The following CCAR2 variants were observed in gnomAD, a reference collection of about 807,000 sequenced individuals.
CCAR2 encodes the protein cell cycle and apoptosis regulator 2.
Under a neutral mutation model 108.1 loss-of-function variants are expected in CCAR2, and 21 were observed. The observed-to-expected ratio is 0.19, with a 90% CI of 0.14 to 0.28. CCAR2 has a LOEUF of 0.28. Among genes scored for constraint, CCAR2 ranks in the 10% least tolerant of loss-of-function variants. CCAR2 has a pLI of 1.00. For synonymous variants in CCAR2, 577 were observed against 472.8 expected, an observed-to-expected ratio of 1.22 and a Z score of -2.86; for missense variants, 1,126 against 1,177.0, an observed-to-expected ratio of 0.96 and a Z score of 0.63.
Position 22,613,552 on chromosome 8 carries a change from A to G in CCAR2, c.704+416A>G, listed in dbSNP as rs139337160. Reference sequence around the variant, plus strand: ...CTCAAAGGCTTTGCTTTAAGCTTCCATAGCTATTGCCAGTTCTCCTGAAGA... The same window carrying G: ...CTCAAAGGCTTTGCTTTAAGCTTCCGTAGCTATTGCCAGTTCTCCTGAAGA... On this transcript the variant is annotated intron_variant, in intron 8 of 20. Transcript: ENST00000308511. 4.2e-4 allele frequency among the ~76,000 whole-genome samples: 64 copies of G among 152,288 alleles called. 1 individual carries two copies. The highest frequency in any genetic ancestry group is 6.0e-4 in the Non-Finnish European group (41 of 68,018).
chr8:22,608,859 T>C (rs1286489727), intron 7 of CCAR2, among the ~76,000 whole-genome samples: 1 of 152,192 alleles, frequency 6.6e-6, no homozygotes, highest in Non-Finnish European at 1.5e-5. Context: ...AGGAACCTTA[T>C]TATACCCATT....
At chr8:22,608,923 A>G (rs1004221610) in intron 7 of CCAR2, among the ~76,000 whole-genome samples, 2 of 152,128 alleles carry the variant, frequency 1.3e-5, no homozygotes, top group African/African-American at 2.4e-5. Flanking sequence ...ACCTCCATCT[A>G]TTCACTGCTC....
rs201912021 is a variant in CCAR2, at chr8:22,618,685, C to G, written c.2289C>G (p.Arg763=). 11 of 1,614,074 alleles carry G rather than the reference C, an allele frequency of 6.8e-6. No homozygotes were observed. The highest frequency in any genetic ancestry group is 1.7e-5 in the Admixed American group (1 of 60,032). The change falls in exon 18 of 21, where the codon CGC becomes CGG. Residue 763 remains arginine (R), a synonymous_variant. Transcript: ENST00000308511. The stretch of plus-strand genomic sequence containing the variant: ...AGTACCGGAGCCTTCAGTACAGCCG[C>G]CAGGAGGGCCTGGATGGTGGCCTTC... ...ICQYRSLQYS[R]QEGLDGGLPE...
intron 4 of CCAR2, 38 bp from the exon 5 acceptor site, chr8:22,606,872 C>A: frequency 6.2e-7 from 1 of 1,603,158 alleles, no homozygotes; most frequent in South Asian, 1.1e-5. Flanking sequence ...GGCCAGGGTC[C>A]CTCTTCTGAT....
chr8:22,614,675 A>G (rs55677256), intron 10 of CCAR2, 163 bp from the exon 11 acceptor site: 64,477 of 1,065,028 alleles, frequency 0.061, 2,337 homozygotes, highest in Admixed American at 0.085. Flanking sequence ...GACTAGTCAG[A>G]GAGAGCGAGG....
chr8:22,618,131 G>T, intron 16 of CCAR2: 1 of 622,314 alleles, frequency 1.6e-6, no homozygotes, highest in Non-Finnish European at 2.8e-6. Flanking sequence ...CCAGGCTGGA[G>T]CACAGTGGTT....
intron 3 of CCAR2, among the ~76,000 whole-genome samples, 194 bp from the exon 4 acceptor site, chr8:22,606,413 G>C (rs563834088): frequency 3.3e-5 from 5 of 152,244 alleles, no homozygotes; most frequent in African/African-American, 9.6e-5. Context: ...AGAAGCTTGT[G>C]GGTCAAGAAC....
chr8:22,613,441 T>G (rs1801373838), intron 8 of CCAR2, among the ~76,000 whole-genome samples: 1 of 150,864 alleles, frequency 6.6e-6, no homozygotes, highest in Admixed American at 6.6e-5. Flanking sequence ...CCATTTGCAC[T>G]CTATCCTAAA....
Position 22,614,905 on chromosome 8 carries a change from G to GC in CCAR2, c.1111dup (p.Leu371ProfsTer6). The GC allele has an allele frequency of 6.2e-7, 1 of 1,613,930 alleles. No homozygotes were observed. Among genetic ancestry groups the GC allele is most frequent in the Non-Finnish European group, 8.5e-7 (1 of 1,180,014 alleles). On this transcript the variant is annotated frameshift_variant, in exon 11 of 21. Coordinates refer to ENST00000308511, the MANE Select transcript of CCAR2 (RefSeq NM_001393997.1). LOFTEE classifies it high-confidence loss of function. ...GGTGAATGGTCTCCTTCCCTGGATG[G>GC]CCTCGACCCCCAGGCTGACCCGCAG...
In CCAR2 at chr8:22,618,872, G is replaced by C. The variant is rs200099711; in HGVS notation, c.2378G>C (p.Gly793Ala). Residue 793 changes from glycine to alanine, a missense_variant, in exon 19 of 21, where the codon GGT (glycine) becomes GCT (alanine). Physicochemically the swap from Gly to Ala is moderately conservative, Grantham distance 60. Transcript: ENST00000308511. ...LPPPGKSTKP[G>A]AAPTEHKALV... ...CCTCCTGGGAAAAGCACGAAGCCAG[G>C]TGCTGCCCCCACAGAACACAAAGCC... The C allele has an allele frequency of 1.9e-6, 3 of 1,613,908 alleles. No individual in the cohort carries two copies. Among genetic ancestry groups the C allele is most frequent in the East Asian group, 2.2e-5 (1 of 44,898 alleles).
chr8:22,616,898 G>GTTTTTTTTTTTT (rs1563924191), intron 14 of CCAR2, among the ~76,000 whole-genome samples: 5 of 12,166 alleles, frequency 4.1e-4, no homozygotes, highest in African/African-American at 2.7e-3. Context: ...TTTTTTTTTG[G>GTTTTTTTTTTTT]GGAGATGGAG....
intron 14 of CCAR2, chr8:22,616,560 G>T (rs1240913421): frequency 2.1e-5 from 8 of 386,092 alleles, no homozygotes; most frequent in South Asian, 1.9e-4. Context: ...GCTCACCCCT[G>T]TAATCCCAGC....
At chr8:22,619,093 C>A in intron 19 of CCAR2, 57 bp from the exon 20 acceptor site, 1 of 1,599,178 alleles carries the variant, frequency 6.3e-7, no homozygotes, top group South Asian at 1.1e-5. Context: ...TCAGGCCCTG[C>A]CCTGTGCTCT....
At chr8:22,606,489 C>G (rs369139455) in intron 3 of CCAR2, 118 bp from the exon 4 acceptor site, 3 of 793,992 alleles carry the variant, frequency 3.8e-6, no homozygotes, top group African/African-American at 3.4e-5. Flanking sequence ...TCACTCTGTG[C>G]GAACTCTTGA....
chr8:22,613,025 A>C lies in CCAR2; in HGVS notation c.593A>C (p.Tyr198Ser). The C allele has an allele frequency of 1.9e-6, 3 of 1,613,036 alleles. No individual in the cohort carries two copies. The highest frequency in any genetic ancestry group is 1.1e-5 in the South Asian group (1 of 90,924). Residue 198 changes from tyrosine to serine, a missense_variant, in exon 8 of 21, where the codon TAT (tyrosine) becomes TCT (serine). By Grantham distance (144) the Tyr-to-Ser change is moderately radical. Around this residue, in one of 4 missense-constraint regions of CCAR2, gnomAD observed 1,013 missense variants for 993.9 expected, o/e 1.02. Coordinates refer to ENST00000308511, the MANE Select transcript of CCAR2 (RefSeq NM_001393997.1). The part of the protein sequence containing the change: ...GRLDQGRSDD[Y>S]DSKKRKQRAG... ...GATGGGTCAACCTCTAGTGATGACT[A>C]TGACTCCAAGAAACGCAAACAGCGG... is the stretch of plus-strand genomic sequence containing the variant.
Position 22,605,717 on chromosome 8 carries a change from C to A in CCAR2, c.-38-19C>A, listed in dbSNP as rs1037594609. ...AATTTCCCTTATAAGCTGTTAATTT[C>A]TTTCTTTTTGGATTGAAGCCTTTTC... On this transcript the variant is annotated intron_variant, in intron 1 of 20. Coordinates refer to ENST00000308511, the MANE Select transcript of CCAR2 (RefSeq NM_001393997.1). 2 of 1,463,424 alleles carry A rather than the reference C, an allele frequency of 1.4e-6. No individual in the cohort carries two copies. The highest frequency in any genetic ancestry group is 1.9e-6 in the Non-Finnish European group (2 of 1,049,904). 90.7% of individuals were successfully genotyped at this position (1,463,424 alleles called of 1,614,324 possible).
rs756528966 is a variant in CCAR2 at position 22,614,777 on chromosome 8, C to T, written c.1042-61C>T. 1.9e-6 allele frequency: 3 copies of T among 1,605,688 alleles called. No homozygotes were observed. The East Asian group carries it at 6.7e-5, about 36-fold the overall frequency. ...CATCCTGATGGGTGGCAGCCTTGCC[C>T]TGCAGTGGGAGACCCAGGTAATGTA... is the stretch of plus-strand genomic sequence containing the variant. On this transcript the variant is annotated intron_variant, in intron 10 of 20. Transcript: ENST00000308511.
rs1167201647 is a variant in CCAR2, at chr8:22,616,220, G to C, written c.1817G>C (p.Gly606Ala). Residue 606 changes from glycine (G) to alanine (A), a missense_variant, in exon 14 of 21, where the codon GGC (glycine) becomes GCC (alanine). Physicochemically the swap from Gly to Ala is moderately conservative, Grantham distance 60. Around this residue, in one of 4 missense-constraint regions of CCAR2, gnomAD observed 1,013 missense variants for 993.9 expected, o/e 1.02. Coordinates refer to ENST00000308511, the MANE Select transcript of CCAR2 (RefSeq NM_001393997.1). ...KEPKDEAQNE[G>A]PATESEAPLK... ...CCCAAGGATGAGGCACAGAATGAGG[G>C]CCCGGCTACAGAGTCAGAGGCCCCG... 1.2e-6 allele frequency: 2 copies of C among 1,613,100 alleles called. No individual in the cohort carries two copies. The highest frequency in any genetic ancestry group is 1.7e-6 in the Non-Finnish European group (2 of 1,180,008).
intron 16 of CCAR2, 109 bp downstream of exon 16, chr8:22,617,887 G>A (rs1393420069): frequency 8.9e-7 from 1 of 1,123,276 alleles, no homozygotes; most frequent in Admixed American, 1.8e-5. Flanking sequence ...TTTCTTGATG[G>A]ACCCAACACA....
Sources: allele counts gnomAD v4.1 joint callset (sites outside exome capture counted in the v4.1 genomes callset), GRCh38; gene constraint gnomAD v4.1.1; regional missense constraint gnomAD v4.1.1; transcripts MANE v1.5; gene names NCBI Gene and HGNC (gene_info 2026-07-23, HGNC 2026-07-21).